ROBO2: variants seen among roughly 807,000 people sequenced by gnomAD.
The protein encoded by ROBO2 is roundabout guidance receptor 2.
A neutral mutation model predicts 160.8 loss-of-function variants in ROBO2; 53 were observed. The observed-to-expected ratio is 0.33, with a 90% confidence interval of 0.26 to 0.41. The LOEUF (loss-of-function observed/expected upper bound fraction) is 0.41. Among genes scored for constraint, ROBO2 ranks in the 10% least tolerant of loss-of-function variants. ROBO2 has a pLI of 1.00. For synonymous variants in ROBO2, 664 were observed against 611.7 expected, an observed-to-expected ratio of 1.09 and a Z score of -1.26; for missense variants, 1,577 against 1,722.4, an observed-to-expected ratio of 0.92 and a Z score of 1.49.
At chr3:76,062,539 A>G (rs1324269419) in intron 2 of ROBO2, among the ~76,000 whole-genome samples, 3 of 152,142 alleles carry the variant, frequency 2.0e-5, no homozygotes, top group South Asian at 2.1e-4. Flanking sequence ...TCAATACTCA[A>G]TCTTACCTGG....
In ROBO2 at chr3:77,645,883, C is replaced by T. The variant is rs9818386; in HGVS notation, c.4136-171C>T. Among the ~76,000 whole-genome samples, 66,409 of 151,856 alleles carry T rather than the reference C, an allele frequency of 0.44. 15,092 individuals carry two copies. Among genetic ancestry groups the T allele is most frequent in the Admixed American group, 0.52 (7,894 of 15,252 alleles). On this transcript the variant is annotated intron_variant, in intron 25 of 25. Transcript: ENST00000461745. ...TTCCAAATTCTATAGTGTTTTCTTT[C>T]CTTTTACTCTTTGATCATCTCCTTC... is the stretch of plus-strand genomic sequence containing the variant.
At chr3:77,557,516 G>T (rs919167051) in intron 8 of ROBO2, among the ~76,000 whole-genome samples, 6 of 151,830 alleles carry the variant, frequency 4.0e-5, no homozygotes. Flanking sequence ...GTGAAAATTG[G>T]CTGTACTCAT....
At chr3:76,124,279 T>G (rs1305636878) in intron 2 of ROBO2, among the ~76,000 whole-genome samples, 1 of 152,172 alleles carries the variant, frequency 6.6e-6, no homozygotes, top group African/African-American at 2.4e-5. Context: ...TTTCAAGGAA[T>G]CTTTATATCT....
At chr3:76,054,900 G>A (rs981023211) in intron 2 of ROBO2, among the ~76,000 whole-genome samples, 4 of 152,148 alleles carry the variant, frequency 2.6e-5, no homozygotes, top group Non-Finnish European at 5.9e-5. Flanking sequence ...GTTTGGGGAG[G>A]TGAGGAATCT....
chr3:76,198,048 T>C (rs916773424), intron 2 of ROBO2, among the ~76,000 whole-genome samples: 1 of 152,148 alleles, frequency 6.6e-6, no homozygotes, highest in Admixed American at 6.6e-5. Flanking sequence ...CCCAACCGAC[T>C]AAACGGATCC....
At chr3:75,967,489 A>G (rs1214668200) in intron 2 of ROBO2, among the ~76,000 whole-genome samples, 2 of 151,616 alleles carry the variant, frequency 1.3e-5, no homozygotes, top group African/African-American at 4.8e-5. Context: ...GGGTATAACC[A>G]CATACTACAA....
At chr3:76,991,518 A>G (rs2060663369) in intron 2 of ROBO2, among the ~76,000 whole-genome samples, 1 of 152,200 alleles carries the variant, frequency 6.6e-6, no homozygotes. Flanking sequence ...AGGGAGTTGT[A>G]TAAGTCATGG....
intron 2 of ROBO2, among the ~76,000 whole-genome samples, chr3:76,466,721 A>G (rs1485820695): frequency 5.3e-5 from 8 of 152,042 alleles, no homozygotes; most frequent in African/African-American, 1.9e-4. Flanking sequence ...TCTTAGATAC[A>G]TAGGTTATAT....
chr3:77,125,538 G>A (rs564226124), intron 2 of ROBO2, among the ~76,000 whole-genome samples: 164 of 152,140 alleles, frequency 1.1e-3, no homozygotes, highest in South Asian at 3.5e-3. Flanking sequence ...TCTTAACGAC[G>A]AAAAGATTGA....
At chr3:76,419,078 T>C (rs532510491) in intron 2 of ROBO2, among the ~76,000 whole-genome samples, 65 of 152,278 alleles carry the variant, frequency 4.3e-4, no homozygotes, top group African/African-American at 1.5e-3. Context: ...TCCAACCCCA[T>C]GTATTTTGTT....
At chr3:76,930,451 T>C (rs1291543188) in intron 2 of ROBO2, among the ~76,000 whole-genome samples, 1 of 152,202 alleles carries the variant, frequency 6.6e-6, no homozygotes, top group Admixed American at 6.5e-5. Flanking sequence ...CACTTCCTAT[T>C]CATTTTCCCT....
At chr3:75,974,571 TG>T (rs1210288052) in intron 2 of ROBO2, among the ~76,000 whole-genome samples, 2 of 151,694 alleles carry the variant, frequency 1.3e-5, no homozygotes, top group Non-Finnish European at 3.0e-5. Context: ...TTTAACTTTA[TG>T]AATTATGGCT....
chr3:76,537,990 C>A (rs1431401867), intron 2 of ROBO2, among the ~76,000 whole-genome samples: 1 of 152,028 alleles, frequency 6.6e-6, no homozygotes, highest in Non-Finnish European at 1.5e-5. Context: ...GGTGGAAGGT[C>A]ATATGGAGGG....
At chr3:75,933,266 T>C (rs1947624666) in intron 1 of ROBO2, among the ~76,000 whole-genome samples, 1 of 152,200 alleles carries the variant, frequency 6.6e-6, no homozygotes, top group South Asian at 2.1e-4. Flanking sequence ...GCTTAGACTG[T>C]GTGCTGTAAT....
At chr3:76,236,909 T>A (rs894943004) in intron 2 of ROBO2, among the ~76,000 whole-genome samples, 1 of 152,202 alleles carries the variant, frequency 6.6e-6, no homozygotes, top group East Asian at 1.9e-4. Flanking sequence ...CCCTAGTGTA[T>A]ATAATGTTGC....
At chr3:77,376,317 G>C (rs2072656611) in intron 2 of ROBO2, among the ~76,000 whole-genome samples, 1 of 151,646 alleles carries the variant, frequency 6.6e-6, no homozygotes, top group Non-Finnish European at 1.5e-5. Context: ...AGTACACCTG[G>C]CTAATTTTTT....
intron 2 of ROBO2, among the ~76,000 whole-genome samples, chr3:76,013,832 C>T (rs1457554964): frequency 6.7e-6 from 1 of 150,214 alleles, no homozygotes; most frequent in Non-Finnish European, 1.5e-5. Flanking sequence ...GTGGCTTATG[C>T]GTGTAATCCC....
chr3:77,293,091 T>C lies in ROBO2; in HGVS notation c.389-184323T>C, dbSNP rs2061516517. Among the ~76,000 whole-genome samples, 2 of 149,470 alleles carry C rather than the reference T, an allele frequency of 1.3e-5. 1 individual carries two copies. Among genetic ancestry groups the C allele is most frequent in the African/African-American group, 4.9e-5 (2 of 40,464 alleles). ...AGAGCACTAAAGACATAAAGTAAAATTGGCGGTTAAACGGGTAAGCTGAGG... is the reference window on the plus strand; with the variant it reads ...AGAGCACTAAAGACATAAAGTAAAACTGGCGGTTAAACGGGTAAGCTGAGG... On this transcript the variant is annotated intron_variant, in intron 2 of 25. Transcript: ENST00000461745.
intron 2 of ROBO2, among the ~76,000 whole-genome samples, chr3:76,264,435 A>G (rs1016773747): frequency 2.0e-5 from 3 of 151,338 alleles, no homozygotes; most frequent in Non-Finnish European, 2.9e-5. Context: ...TTTATAGTAC[A>G]TTTTCTTGCC....
Sources: allele counts gnomAD v4.1 joint callset (sites outside exome capture counted in the v4.1 genomes callset), GRCh38; gene constraint gnomAD v4.1.1; transcripts MANE v1.5; gene names NCBI Gene and HGNC (gene_info 2026-07-23, HGNC 2026-07-21).